The following USP47 variants were observed in gnomAD, a reference collection of about 807,000 sequenced individuals.
The protein encoded by USP47 is ubiquitin specific peptidase 47.
Under a neutral mutation model 165.1 loss-of-function variants are expected in USP47, and 35 were observed. The ratio of observed to expected loss-of-function variants is 0.21; its 90% confidence interval spans 0.16 to 0.28. The LOEUF is 0.28. Ranked by LOEUF, USP47 falls within the 10% of genes least tolerant of loss-of-function variation. The probability of loss-of-function intolerance (pLI) is 1.00; values close to 1 mark genes in which losing one functional copy is unlikely to be tolerated. For synonymous variants in USP47, 531 were observed against 544.5 expected (o/e 0.98, Z 0.35); for missense variants, 1,277 against 1,607.4 (o/e 0.79, Z 3.52).
chr11:11,947,723 A>G (rs1435404078), intron 20 of USP47, among the ~76,000 whole-genome samples: 3 of 152,230 alleles, frequency 2.0e-5, no homozygotes, highest in Non-Finnish European at 2.9e-5. Flanking sequence ...AGAAACAAGC[A>G]CTTAAATAGC....
At chr11:11,883,686 G>A (rs1212492598) in intron 2 of USP47, among the ~76,000 whole-genome samples, 2 of 152,158 alleles carry the variant, frequency 1.3e-5, no homozygotes, top group Non-Finnish European at 2.9e-5. Flanking sequence ...CAGCAGTCTG[G>A]AGTGAGTGAG....
rs1017748561 is a variant in USP47, at chr11:11,894,032, TA to T, written c.496+1934del. 2.6e-5 allele frequency among the ~76,000 whole-genome samples: 4 copies of T among 151,874 alleles called. No individual in the cohort carries two copies. The South Asian group carries it at 6.2e-4, about 24-fold the overall frequency. On this transcript the variant is annotated intron_variant, in intron 4 of 27. Coordinates refer to ENST00000527733, the MANE Select transcript of USP47 (RefSeq NM_001282659.2). ...AACTTTTTGTAGCAAACAACCACAA[TA>T]AAAAAAATACAAAATTATCTTTGAT...
chr11:11,922,684 T>C, intron 10 of USP47, 40 bp from the exon 11 acceptor site: 1 of 1,516,736 alleles, frequency 6.6e-7, no homozygotes, highest in Non-Finnish European at 8.9e-7. Flanking sequence ...ATATTTTCTC[T>C]GTATATGGTT....
intron 27 of USP47, 144 bp from the exon 28 acceptor site, chr11:11,955,857 G>A (rs1281258453): frequency 1.5e-6 from 1 of 655,870 alleles, no homozygotes; most frequent in African/African-American, 1.9e-5. Flanking sequence ...TTAGAAATCT[G>A]GGACATCTCA....
intron 16 of USP47, 134 bp downstream of exon 16, chr11:11,934,069 C>A: frequency 1.6e-6 from 1 of 644,068 alleles, no homozygotes; most frequent in Non-Finnish European, 2.6e-6. Context: ...TATCTCTTAC[C>A]GAGTATATTT....
chr11:11,939,118 G>T (rs1394337527), intron 18 of USP47, among the ~76,000 whole-genome samples: 1 of 151,884 alleles, frequency 6.6e-6, no homozygotes, highest in Non-Finnish European at 1.5e-5. Flanking sequence ...ATATAACAAT[G>T]AAAACATTCA....
intron 8 of USP47, among the ~76,000 whole-genome samples, chr11:11,914,833 A>G (rs1038567789): frequency 2.0e-5 from 3 of 152,212 alleles, no homozygotes; most frequent in African/African-American, 4.8e-5. Context: ...CCAGATGGCT[A>G]CAAATAATGA....
intron 11 of USP47, among the ~76,000 whole-genome samples, chr11:11,924,135 T>C (rs965089972): frequency 7.9e-5 from 12 of 152,240 alleles, no homozygotes; most frequent in Admixed American, 7.2e-4. Flanking sequence ...ATGTTGACTT[T>C]CAGTTTTTTA....
chr11:11,929,392 G>A (rs376104541), intron 11 of USP47, 42 bp from the exon 12 acceptor site: 17 of 1,599,726 alleles, frequency 1.1e-5, no homozygotes, highest in Admixed American at 1.7e-5. Context: ...TAAGGGTTGT[G>A]TTTTCCTTCT....
At chr11:11,875,822 G>T (rs1224589377) in intron 1 of USP47, among the ~76,000 whole-genome samples, 2 of 152,152 alleles carry the variant, frequency 1.3e-5, no homozygotes, top group East Asian at 1.9e-4. Flanking sequence ...AGGTTGGTCT[G>T]GAACTCCTCA....
At chr11:11,897,222 A>G (rs949168573) in intron 4 of USP47, among the ~76,000 whole-genome samples, 6 of 151,760 alleles carry the variant, frequency 4.0e-5, no homozygotes, top group African/African-American at 9.7e-5. Context: ...TTTCCATTAT[A>G]ATCTAGTTTA....
chr11:11,883,304 C>G (rs150449638), intron 2 of USP47, among the ~76,000 whole-genome samples: 1 of 152,186 alleles, frequency 6.6e-6, no homozygotes, highest in East Asian at 1.9e-4. Flanking sequence ...ACGTCTTTTG[C>G]ACTTACTGTG....
At chr11:11,922,192 A>G (rs116004366) in intron 10 of USP47, among the ~76,000 whole-genome samples, 1,731 of 152,074 alleles carry the variant, frequency 0.011, 30 homozygotes, top group African/African-American at 0.039. Context: ...GAAAAGTATA[A>G]TGTGCTGTAA....
intron 1 of USP47, among the ~76,000 whole-genome samples, chr11:11,846,634 A>G (rs1344073547): frequency 6.6e-6 from 1 of 152,186 alleles, no homozygotes; most frequent in African/African-American, 2.4e-5. Context: ...TTTATATACC[A>G]GATACTGTTG....
rs187115012 is a variant in USP47, at chr11:11,879,448, G to T, written c.40-729G>T. 8.5e-5 allele frequency among the ~76,000 whole-genome samples: 13 copies of T among 152,250 alleles called. No homozygotes were observed. The East Asian group carries it at 2.1e-3, about 25-fold the overall frequency. On this transcript the variant is annotated intron_variant, in intron 1 of 27. Coordinates refer to ENST00000527733, the MANE Select transcript of USP47 (RefSeq NM_001282659.2). ...TTTTACCCCTGTGGAAAGTGGAAAA[G>T]TGGTGTCCTTTAACAGCTTGAGGGA...
chr11:11,852,708 G>A (rs970178123), intron 1 of USP47, among the ~76,000 whole-genome samples: 18 of 152,132 alleles, frequency 1.2e-4, no homozygotes, highest in African/African-American at 3.4e-4. Context: ...GTTTCTGTTT[G>A]TTTGGGGTTA....
chr11:11,953,788 TGAA>T (rs1856374301), intron 25 of USP47, among the ~76,000 whole-genome samples: 2 of 152,332 alleles, frequency 1.3e-5, no homozygotes, highest in East Asian at 3.9e-4. Flanking sequence ...CTTAAATTGG[TGAA>T]GATTTAGAAA....
At chr11:11,866,576 T>C (rs1260075095) in intron 1 of USP47, among the ~76,000 whole-genome samples, 1 of 152,224 alleles carries the variant, frequency 6.6e-6, no homozygotes, top group East Asian at 1.9e-4. Flanking sequence ...TGTTTCACTG[T>C]CATCAGTCTA....
Position 11,842,195 on chromosome 11 carries a change from G to A in USP47, c.10G>A (p.Gly4Ser). Residue 4 changes from glycine (G) to serine (S), a missense_variant, in exon 1 of 28, where the codon GGC (glycine) becomes AGC (serine). Physicochemically the swap from Gly to Ser is moderately conservative, Grantham distance 56 (BLOSUM62 0). Around this residue, in one of 4 missense-constraint regions of USP47, gnomAD observed 181 missense variants for 194.7 expected, o/e 0.93. Transcript: ENST00000527733. Reference sequence around the variant, plus strand: ...GCGGCCGGAGTCAGCGATGGTGCCCGGCGAGGAGAACCAACTGGTCCCGAA... The same window carrying A: ...GCGGCCGGAGTCAGCGATGGTGCCCAGCGAGGAGAACCAACTGGTCCCGAA... MVP[G>S]EENQLVPKEI... The A allele has an allele frequency of 6.4e-7, 1 of 1,553,958 alleles. No individual in the cohort carries two copies. The highest frequency in any genetic ancestry group is 2.4e-5 in the East Asian group (1 of 41,518).
Sources: allele counts gnomAD v4.1 joint callset (sites outside exome capture counted in the v4.1 genomes callset), GRCh38; gene constraint gnomAD v4.1.1; regional missense constraint gnomAD v4.1.1; transcripts MANE v1.5; gene names NCBI Gene and HGNC (gene_info 2026-07-23, HGNC 2026-07-21).